DPYD: variants seen among roughly 807,000 people sequenced by gnomAD.
The protein encoded by DPYD is dihydropyrimidine dehydrogenase [NADP(+)].
DPYD carries 109 observed loss-of-function variants against 116.2 expected under a neutral mutation model. The observed-to-expected ratio is 0.94, with a 90% CI of 0.80 to 1.10. The LOEUF (loss-of-function observed/expected upper bound fraction) is 1.10, where lower values mean the gene tolerates loss of function less well. Among genes scored for constraint, DPYD ranks in the 50% least tolerant of loss-of-function variants. The probability of loss-of-function intolerance (pLI) is 0.00; values close to 1 mark genes in which losing one functional copy is unlikely to be tolerated. For synonymous variants in DPYD, 440 were observed against 432.0 expected (o/e 1.02, Z -0.23); for missense variants, 1,302 against 1,254.5 (o/e 1.04, Z -0.57).
intron 8 of DPYD, among the ~76,000 whole-genome samples, chr1:97,654,948 C>G (rs1027587301): frequency 4.6e-5 from 7 of 152,076 alleles, no homozygotes; most frequent in Non-Finnish European, 7.4e-5. Flanking sequence ...AAGGGTTTCC[C>G]TTATAAAACC....
At chr1:97,900,081 T>C (rs759495103) in intron 1 of DPYD, among the ~76,000 whole-genome samples, 45 of 151,886 alleles carry the variant, frequency 3.0e-4, no homozygotes, top group Non-Finnish European at 5.9e-4. Context: ...CAGGAAATAA[T>C]ATGCATTTAG....
intron 14 of DPYD, among the ~76,000 whole-genome samples, chr1:97,428,177 GT>G (rs1674982937): frequency 6.6e-6 from 1 of 152,008 alleles, no homozygotes; most frequent in African/African-American, 2.4e-5. Context: ...CAACCTCTTT[GT>G]TTATAGATGA....
At chr1:97,694,308 T>C (rs895468799) in intron 6 of DPYD, among the ~76,000 whole-genome samples, 5 of 152,334 alleles carry the variant, frequency 3.3e-5, no homozygotes, top group Admixed American at 3.3e-4. Context: ...GACGTTTTTA[T>C]ATTCACTAAT....
At chr1:97,642,870 T>C (rs1441730604) in intron 8 of DPYD, among the ~76,000 whole-genome samples, 1 of 150,870 alleles carries the variant, frequency 6.6e-6, no homozygotes, top group Non-Finnish European at 1.5e-5. Flanking sequence ...ACCCTAAAAC[T>C]TGAAGTATAA....
At chr1:97,751,705 G>T (rs903866327) in intron 3 of DPYD, among the ~76,000 whole-genome samples, 1 of 151,382 alleles carries the variant, frequency 6.6e-6, no homozygotes, top group African/African-American at 2.4e-5. Flanking sequence ...GAAGGTCAAG[G>T]CTGCAGTGAG....
At chr1:97,791,055 T>C (rs1192813457) in intron 3 of DPYD, among the ~76,000 whole-genome samples, 1 of 152,184 alleles carries the variant, frequency 6.6e-6, no homozygotes, top group Non-Finnish European at 1.5e-5. Context: ...TAAATAACAG[T>C]TTAATACATA....
rs1017319321 is a variant in DPYD at position 97,545,951 on chromosome 1, G to T, written c.1524+3609C>A. The T allele has an allele frequency of 5.1e-6, 6 of 1,169,292 alleles. No homozygotes were observed. In the African/African-American group the frequency reaches 9.0e-5, roughly 18 times the overall value. 72.4% of individuals were successfully genotyped at this position (1,169,292 alleles called of 1,614,324 possible). On this transcript the variant is annotated intron_variant, in intron 12 of 22. Coordinates refer to ENST00000370192, the MANE Select transcript of DPYD (RefSeq NM_000110.4). The stretch of plus-strand genomic sequence containing the variant: ...AAGAATCAGATTGTCATACTCTACT[G>T]CACTTCCTTGAAGATGAAAAATATG...
At chr1:97,780,823 CA>C (rs1337887287) in intron 3 of DPYD, among the ~76,000 whole-genome samples, 1 of 152,112 alleles carries the variant, frequency 6.6e-6, no homozygotes, top group Non-Finnish European at 1.5e-5. Flanking sequence ...GCTCAATTTG[CA>C]GAGTAATTTC....
chr1:97,897,991 A>G (rs1673168672), intron 1 of DPYD, among the ~76,000 whole-genome samples: 1 of 151,708 alleles, frequency 6.6e-6, no homozygotes, highest in Non-Finnish European at 1.5e-5. Flanking sequence ...GACATAATTG[A>G]ATTATTTGAA....
intron 18 of DPYD, among the ~76,000 whole-genome samples, chr1:97,281,019 G>T (rs1463711660): frequency 6.6e-6 from 1 of 152,036 alleles, no homozygotes; most frequent in Non-Finnish European, 1.5e-5. Flanking sequence ...ATTATTGTTC[G>T]ATTATAAATA....
intron 8 of DPYD, among the ~76,000 whole-genome samples, chr1:97,669,355 T>C (rs1433690865): frequency 2.0e-5 from 3 of 152,160 alleles, no homozygotes; most frequent in Non-Finnish European, 2.9e-5. Context: ...GTTTTTCCCA[T>C]AAATTCCTGA....
At chr1:97,249,494 A>G (rs1054431101) in intron 18 of DPYD, among the ~76,000 whole-genome samples, 2 of 152,154 alleles carry the variant, frequency 1.3e-5, no homozygotes, top group Non-Finnish European at 2.9e-5. Flanking sequence ...TAAATGTAAA[A>G]CTTGAAACCA....
chr1:97,105,895 A>G (rs1651102213), intron 20 of DPYD, among the ~76,000 whole-genome samples: 1 of 152,168 alleles, frequency 6.6e-6, no homozygotes, highest in Admixed American at 6.6e-5. Context: ...AGAAGTAAGG[A>G]AATGAAGTGA....
chr1:97,194,188 A>G (rs949406796), intron 19 of DPYD, among the ~76,000 whole-genome samples: 1 of 152,162 alleles, frequency 6.6e-6, no homozygotes, highest in African/African-American at 2.4e-5. Context: ...CACAAATCTC[A>G]TCTTGAATTG....
intron 20 of DPYD, among the ~76,000 whole-genome samples, chr1:97,130,253 G>C (rs576747505): frequency 6.6e-6 from 1 of 152,156 alleles, no homozygotes; most frequent in Admixed American, 6.6e-5. Flanking sequence ...CCATGGTTAC[G>C]AGTGAGAAAA....
chr1:97,860,161 A>G (rs1354439037), intron 2 of DPYD, among the ~76,000 whole-genome samples: 1 of 151,944 alleles, frequency 6.6e-6, no homozygotes, highest in Non-Finnish European at 1.5e-5. Context: ...TGGGCAGCAT[A>G]ACGAAACCCT....
chr1:97,166,281 G>A (rs1557906010), intron 20 of DPYD, among the ~76,000 whole-genome samples: 1 of 152,158 alleles, frequency 6.6e-6, no homozygotes, highest in South Asian at 2.1e-4. Context: ...CATGTCCTGT[G>A]CAGGAACATG....
chr1:97,216,717 C>T (rs1362503185), intron 19 of DPYD, among the ~76,000 whole-genome samples: 1 of 152,070 alleles, frequency 6.6e-6, no homozygotes, highest in Non-Finnish European at 1.5e-5. Context: ...ATTGTTTGAA[C>T]CTGGGAGGCA....
chr1:97,511,445 A>G (rs191561217), intron 13 of DPYD, among the ~76,000 whole-genome samples: 2 of 152,118 alleles, frequency 1.3e-5, no homozygotes, highest in Admixed American at 6.6e-5. Context: ...ACCTTTCCCC[A>G]CACTACACTG....
Sources: gnomAD v4.1 joint callset for allele counts (sites outside exome capture counted in the v4.1 genomes callset) on GRCh38, gnomAD v4.1.1 for gene constraint, MANE v1.5 for transcripts, NCBI Gene and HGNC (gene_info 2026-07-23, HGNC 2026-07-21) for gene names.